Variants in NETO2 observed in about 807,000 individuals in gnomAD.
NETO2 encodes the protein neuropilin and tolloid-like protein 2.
In NETO2, 28 loss-of-function variants were observed where a neutral mutation model predicts 62.5. The observed-to-expected ratio is 0.45, with a 90% CI of 0.33 to 0.61. The LOEUF (loss-of-function observed/expected upper bound fraction) is 0.61. Ranked by LOEUF, NETO2 falls within the 20% of genes least tolerant of loss-of-function variation. The pLI, the probability that NETO2 is intolerant of heterozygous loss-of-function variation, is 0.02. For synonymous variants in NETO2, 214 were observed against 219.1 expected (o/e 0.98, Z 0.21); for missense variants, 548 against 643.2 (o/e 0.85, Z 1.60).
intron 1 of NETO2, among the ~76,000 whole-genome samples, chr16:47,134,541 T>C (rs1045648675): frequency 6.6e-6 from 1 of 152,208 alleles, no homozygotes; most frequent in Non-Finnish European, 1.5e-5. Flanking sequence ...TTTATCTCAT[T>C]AGTAGACACT....
At chr16:47,108,255 C>T (rs1440408010) in intron 7 of NETO2, among the ~76,000 whole-genome samples, 11 of 152,156 alleles carry the variant, frequency 7.2e-5, no homozygotes, top group South Asian at 4.1e-4. Context: ...ATTAGGTAAA[C>T]GCTACAGTAG....
intron 2 of NETO2, 42 bp downstream of exon 2, chr16:47,131,927 T>C: frequency 1.3e-6 from 2 of 1,541,586 alleles, no homozygotes; most frequent in Non-Finnish European, 1.8e-6. Context: ...AGCCAGTCCA[T>C]TGTCTTAAAC....
rs1963024424 is a variant in NETO2, at chr16:47,079,415, G to GAAACCCCGTCTCTACTAA, written c.*3788_*3805dup. On this transcript the variant is annotated 3_prime_UTR_variant, in exon 9 of 9. Coordinates refer to ENST00000562435, the MANE Select transcript of NETO2 (RefSeq NM_018092.5). ...TTGAGACTATCCTGGCTAACACGGT[G>GAAACCCCGTCTCTACTAA]AAACCCCGTCTCTACTAAAAATACA... The GAAACCCCGTCTCTACTAA allele has an allele frequency of 6.6e-6, 1 of 151,416 alleles. No individual in the cohort carries two copies. Among genetic ancestry groups the GAAACCCCGTCTCTACTAA allele is most frequent in the Admixed American group, 6.6e-5 (1 of 15,124 alleles). The allele number at this position is 151,416 out of a possible 1,614,324, so 9.4% of individuals were successfully genotyped here.
intron 7 of NETO2, among the ~76,000 whole-genome samples, chr16:47,102,307 T>C (rs1471190125): frequency 2.0e-5 from 3 of 152,140 alleles, no homozygotes; most frequent in Non-Finnish European, 4.4e-5. Context: ...ACTAAAGCCT[T>C]AAACATAAGA....
At chr16:47,133,810 G>C (rs554569295) in intron 1 of NETO2, among the ~76,000 whole-genome samples, 1 of 152,106 alleles carries the variant, frequency 6.6e-6, no homozygotes, top group Non-Finnish European at 1.5e-5. Flanking sequence ...TGAATGGCAT[G>C]CTAAAAAGTG....
At chr16:47,104,110 T>C (rs1261073890) in intron 7 of NETO2, among the ~76,000 whole-genome samples, 1 of 152,174 alleles carries the variant, frequency 6.6e-6, no homozygotes, top group Non-Finnish European at 1.5e-5. Context: ...CAATCTTATA[T>C]GCAGAAAACC....
chr16:47,108,023 G>A (rs570012813), intron 7 of NETO2, among the ~76,000 whole-genome samples: 18 of 152,078 alleles, frequency 1.2e-4, no homozygotes, highest in South Asian at 2.1e-4. Context: ...GTGATCTGCC[G>A]CCTCGGCCTC....
At chr16:47,123,823 G>A (rs1034628001) in intron 4 of NETO2, among the ~76,000 whole-genome samples, 2 of 152,184 alleles carry the variant, frequency 1.3e-5, no homozygotes, top group East Asian at 1.9e-4. Flanking sequence ...TCAGCCTCCC[G>A]AGTAGCTGGG....
At chr16:47,104,160 GA>G (rs1372979028) in intron 7 of NETO2, among the ~76,000 whole-genome samples, 2 of 151,906 alleles carry the variant, frequency 1.3e-5, no homozygotes, top group Non-Finnish European at 2.9e-5. Flanking sequence ...ACCCCCGTTA[GA>G]GCTAATAAAC....
chr16:47,136,679 T>G (rs1317710751), intron 1 of NETO2, among the ~76,000 whole-genome samples: 1 of 152,176 alleles, frequency 6.6e-6, no homozygotes. Context: ...GTGCTGAGAT[T>G]ACAGGCATGA....
At chr16:47,138,530 G>C (rs2151495570) in intron 1 of NETO2, among the ~76,000 whole-genome samples, 1 of 152,338 alleles carries the variant, frequency 6.6e-6, no homozygotes, top group East Asian at 1.9e-4. Context: ...GCTAGACTTA[G>C]TCACATGGTC....
chr16:47,129,583 G>T (rs949041570), intron 2 of NETO2, among the ~76,000 whole-genome samples: 3 of 152,130 alleles, frequency 2.0e-5, no homozygotes, highest in Admixed American at 2.0e-4. Flanking sequence ...AGAGAACAGG[G>T]AAATAAAGGG....
intron 7 of NETO2, among the ~76,000 whole-genome samples, chr16:47,099,510 A>C (rs915189472): frequency 6.6e-6 from 1 of 152,214 alleles, no homozygotes; most frequent in African/African-American, 2.4e-5. Context: ...TAAAAGACGC[A>C]GACTGGCAAA....
At chr16:47,108,749 G>C (rs1183602204) in intron 7 of NETO2, among the ~76,000 whole-genome samples, 1 of 152,196 alleles carries the variant, frequency 6.6e-6, no homozygotes, top group East Asian at 1.9e-4. Context: ...TACCGGACCG[G>C]TCTATAGCTT....
In NETO2 at chr16:47,142,039, G is replaced by A. The variant is rs576526828; in HGVS notation, c.34+1540C>T. 1.7e-3 allele frequency among the ~76,000 whole-genome samples: 255 copies of A among 152,344 alleles called. No homozygotes were observed. In the Middle Eastern group the frequency reaches 0.017, roughly 10 times the overall value. ...GGGGGTGCTCTCGGATGCACGGTCA[G>A]TAGCATGCTGACAACCTTACCGTAG... On this transcript the variant is annotated intron_variant, in intron 1 of 8. Coordinates refer to ENST00000562435, the MANE Select transcript of NETO2 (RefSeq NM_018092.5).
intron 7 of NETO2, among the ~76,000 whole-genome samples, chr16:47,104,539 C>T (rs1391688772): frequency 1.3e-5 from 2 of 152,112 alleles, no homozygotes; most frequent in Non-Finnish European, 2.9e-5. Context: ...TCCTAAAGTT[C>T]ATGAAATCTC....
intron 6 of NETO2, among the ~76,000 whole-genome samples, chr16:47,116,049 T>C (rs1037657325): frequency 6.6e-6 from 1 of 152,022 alleles, no homozygotes; most frequent in Non-Finnish European, 1.5e-5. Flanking sequence ...ACTTCTAGTA[T>C]AACATTGAAT....
intron 7 of NETO2, among the ~76,000 whole-genome samples, chr16:47,089,821 C>T (rs566609488): frequency 1.3e-5 from 2 of 152,108 alleles, no homozygotes; most frequent in Non-Finnish European, 2.9e-5. Context: ...TACTAAAAAA[C>T]GGCCAAGAGA....
intron 7 of NETO2, among the ~76,000 whole-genome samples, chr16:47,094,669 G>C (rs1378345578): frequency 6.6e-6 from 1 of 151,424 alleles, no homozygotes; most frequent in African/African-American, 2.4e-5. Context: ...CTCATGATCT[G>C]CCCGCCTTGG....
Sources: allele counts gnomAD v4.1 joint callset (sites outside exome capture counted in the v4.1 genomes callset), GRCh38; gene constraint gnomAD v4.1.1; transcripts MANE v1.5; gene names NCBI Gene and HGNC (gene_info 2026-07-23, HGNC 2026-07-21).